Variants in FRMD4A observed in about 807,000 individuals in gnomAD.
FRMD4A encodes FERM domain-containing protein 4A.
FRMD4A carries 29 observed loss-of-function variants against 129.1 expected under a neutral mutation model. The observed-to-expected ratio is 0.22, with a 90% CI of 0.17 to 0.31. FRMD4A has a LOEUF of 0.31. FRMD4A is among the 10% of genes least tolerant of loss of function. FRMD4A has a pLI of 1.00. For synonymous variants in FRMD4A, 634 were observed against 571.6 expected (o/e 1.11, Z -1.56); for missense variants, 1,272 against 1,375.8 (o/e 0.92, Z 1.19).
chr10:14,275,145 T>A (rs1845293395), intron 2 of FRMD4A, among the ~76,000 whole-genome samples: 1 of 152,144 alleles, frequency 6.6e-6, no homozygotes, highest in Non-Finnish European at 1.5e-5. Context: ...CTCCTGGGTG[T>A]CAGGCTCTCT....
intron 2 of FRMD4A, among the ~76,000 whole-genome samples, chr10:14,059,463 C>CTCTCTT (rs10642253): frequency 0.33 from 50,416 of 151,590 alleles, 8,380 homozygotes; most frequent in East Asian, 0.47. Flanking sequence ...AGAGAGCCCT[C>CTCTCTT]TCTCTTTCTC....
intron 2 of FRMD4A, among the ~76,000 whole-genome samples, chr10:14,053,234 G>C (rs1834348524): frequency 6.6e-6 from 1 of 152,204 alleles, no homozygotes; most frequent in East Asian, 1.9e-4. Flanking sequence ...TGTTTCTACA[G>C]AATGGTGTAT....
chr10:13,738,056 C>G, intron 11 of FRMD4A, 126 bp from the exon 12 acceptor site: 1 of 656,374 alleles, frequency 1.5e-6, no homozygotes, highest in Non-Finnish European at 2.7e-6. Context: ...ATGGAGCCCA[C>G]CTGTCTACTT....
At chr10:14,226,423 G>T (rs891676158) in intron 2 of FRMD4A, among the ~76,000 whole-genome samples, 1 of 152,206 alleles carries the variant, frequency 6.6e-6, no homozygotes, top group African/African-American at 2.4e-5. Context: ...CAGCTATTTT[G>T]TGCCTGTTCC....
intron 2 of FRMD4A, among the ~76,000 whole-genome samples, chr10:14,101,385 T>C (rs760998861): frequency 6.6e-6 from 1 of 152,134 alleles, no homozygotes; most frequent in South Asian, 2.1e-4. Context: ...GCGGGGTTAG[T>C]CTTACGAGTA....
chr10:13,929,463 A>G (rs1177918986), intron 2 of FRMD4A, among the ~76,000 whole-genome samples: 1 of 152,210 alleles, frequency 6.6e-6, no homozygotes, highest in Non-Finnish European at 1.5e-5. Flanking sequence ...TTGCCATGGT[A>G]GAGCCTGGTG....
In FRMD4A at chr10:13,676,193, T is replaced by C. The variant is rs558174204; in HGVS notation, c.1118-1149A>G. ...CCTGGAGTGAAGCTATTGTACTTTT[T>C]CTACCTTGATGGGTTAGAAAAGGAA... is the stretch of plus-strand genomic sequence containing the variant. On this transcript the variant is annotated intron_variant, in intron 15 of 24. Coordinates refer to ENST00000357447, the MANE Select transcript of FRMD4A (RefSeq NM_018027.5). 3.3e-5 allele frequency among the ~76,000 whole-genome samples: 5 copies of C among 152,246 alleles called. No homozygotes were observed. In the East Asian group the frequency reaches 5.8e-4, roughly 18 times the overall value.
intron 2 of FRMD4A, among the ~76,000 whole-genome samples, chr10:13,925,315 C>A (rs188456113): frequency 6.6e-6 from 1 of 152,026 alleles, no homozygotes; most frequent in African/African-American, 2.4e-5. Context: ...ACAAAGAATT[C>A]CCTCTAATCA....
At chr10:14,025,148 C>T (rs1181924394) in intron 2 of FRMD4A, among the ~76,000 whole-genome samples, 1 of 152,212 alleles carries the variant, frequency 6.6e-6, no homozygotes, top group African/African-American at 2.4e-5. Context: ...TGTCTTTCTT[C>T]TCCATCCTAT....
At chr10:14,102,619 G>C (rs893651093) in intron 2 of FRMD4A, among the ~76,000 whole-genome samples, 19 of 152,132 alleles carry the variant, frequency 1.2e-4, no homozygotes, top group African/African-American at 4.6e-4. Context: ...TGGAAATGAA[G>C]GGACTTTTAG....
chr10:14,112,986 G>C (rs1838002404), intron 2 of FRMD4A, among the ~76,000 whole-genome samples: 1 of 152,116 alleles, frequency 6.6e-6, no homozygotes, highest in African/African-American at 2.4e-5. Context: ...CACTCACTGA[G>C]AGGGCAGTCC....
At chr10:13,649,070 A>G (rs1247272139) in intron 24 of FRMD4A, among the ~76,000 whole-genome samples, 3 of 152,214 alleles carry the variant, frequency 2.0e-5, no homozygotes, top group Non-Finnish European at 4.4e-5. Context: ...ACCTATTAAC[A>G]TCCACAGAAC....
chr10:14,196,785 G>A (rs1842483846), intron 2 of FRMD4A, among the ~76,000 whole-genome samples: 1 of 152,162 alleles, frequency 6.6e-6, no homozygotes, highest in Admixed American at 6.5e-5. Flanking sequence ...AACTGTGATT[G>A]CTTGAATCCA....
At chr10:13,752,150 T>G (rs1378901330) in intron 8 of FRMD4A, among the ~76,000 whole-genome samples, 1 of 152,264 alleles carries the variant, frequency 6.6e-6, no homozygotes, top group Admixed American at 6.5e-5. Context: ...TCTCCGGCAG[T>G]TATTAACGTT....
At chr10:13,766,946 G>A (rs373097331) in intron 6 of FRMD4A, among the ~76,000 whole-genome samples, 1 of 152,116 alleles carries the variant, frequency 6.6e-6, no homozygotes. Flanking sequence ...GGTGGTGCAC[G>A]CCTGTAGTCC....
rs1386167455 is a variant in FRMD4A, at chr10:13,728,570, A to ATTTTTTT, written c.759+9273_759+9274insAAAAAAA. On this transcript the variant is annotated intron_variant, in intron 12 of 24. Transcript: ENST00000357447. ...AGCTCAGTGCTTTCAGGTGATTACC[A>ATTTTTTT]TTCTTTTTTTTTTTTTTTTTGAGAT... Among the ~76,000 whole-genome samples the ATTTTTTT allele has an allele frequency of 3.1e-4, 9 of 28,710 alleles. 1 individual carries two copies. The highest frequency in any genetic ancestry group is 2.6e-3 in the East Asian group (2 of 772). The allele number at this position is 28,710 out of a possible 152,430, so 18.8% of individuals were successfully genotyped here.
chr10:13,890,452 T>A (rs1479932135), intron 2 of FRMD4A: 1 of 849,726 alleles, frequency 1.2e-6, no homozygotes, highest in Non-Finnish European at 1.4e-6. Flanking sequence ...CACAGATCAG[T>A]GATGCTGTTG....
chr10:13,924,959 G>C (rs1216944878), intron 2 of FRMD4A, among the ~76,000 whole-genome samples: 1 of 151,330 alleles, frequency 6.6e-6, no homozygotes, highest in Non-Finnish European at 1.5e-5. Flanking sequence ...AGCTGCTCAG[G>C]AGGCTGAGGC....
chr10:13,716,773 C>T (rs1405893963), intron 12 of FRMD4A, among the ~76,000 whole-genome samples: 7 of 152,300 alleles, frequency 4.6e-5, no homozygotes, highest in African/African-American at 1.2e-4. Context: ...CCCATTGAGA[C>T]GCAGGCCATT....
Sources: allele counts gnomAD v4.1 joint callset (sites outside exome capture counted in the v4.1 genomes callset), GRCh38; gene constraint gnomAD v4.1.1; transcripts MANE v1.5; gene names NCBI Gene and HGNC (gene_info 2026-07-23, HGNC 2026-07-21).